Variants in FSTL4 observed in about 807,000 individuals in gnomAD.
FSTL4 encodes the protein follistatin like 4, also known as follistatin-related protein 4.
Under a neutral mutation model 78.2 loss-of-function variants are expected in FSTL4, and 28 were observed. The ratio of observed to expected loss-of-function variants is 0.36; its 90% confidence interval spans 0.27 to 0.49. The LOEUF (loss-of-function observed/expected upper bound fraction) is 0.49. Ranked by LOEUF, FSTL4 falls within the 20% of genes least tolerant of loss-of-function variation. The pLI, the probability that FSTL4 is intolerant of heterozygous loss-of-function variation, is 0.98. For missense variants in FSTL4, 922 were observed against 1,084.9 expected, an observed-to-expected ratio of 0.85 and a Z score of 2.11; for synonymous variants, 422 against 440.5, an observed-to-expected ratio of 0.96 and a Z score of 0.53.
chr5:133,219,844 C>T (rs865792015), intron 12 of FSTL4, among the ~76,000 whole-genome samples: 2 of 152,152 alleles, frequency 1.3e-5, no homozygotes, highest in Non-Finnish European at 2.9e-5. Flanking sequence ...ATTATTTAAA[C>T]CTAATTGCTG....
chr5:133,308,418 TA>T (rs1333975114), intron 6 of FSTL4, among the ~76,000 whole-genome samples: 3 of 152,224 alleles, frequency 2.0e-5, no homozygotes, highest in African/African-American at 7.2e-5. Context: ...AACAAAGCAG[TA>T]TCCTTGCCAT....
intron 3 of FSTL4, among the ~76,000 whole-genome samples, chr5:133,467,212 G>GTA (rs1237349117): frequency 1.3e-5 from 2 of 151,354 alleles, no homozygotes; most frequent in African/African-American, 4.9e-5. Context: ...GAGTGTGTGA[G>GTA]TATATGAGGG....
intron 3 of FSTL4, among the ~76,000 whole-genome samples, chr5:133,515,134 T>G (rs1033149870): frequency 2.6e-5 from 4 of 152,246 alleles, no homozygotes; most frequent in African/African-American, 9.6e-5. Context: ...TAATGTTGGT[T>G]AATAAGCTGA....
At chr5:133,241,415 G>C (rs1339519675) in intron 7 of FSTL4, among the ~76,000 whole-genome samples, 1 of 152,218 alleles carries the variant, frequency 6.6e-6, no homozygotes, top group Non-Finnish European at 1.5e-5. Context: ...TGTTGAAATT[G>C]CGTATAGGGA....
At chr5:133,738,457 C>G in the FSTL4 span, among the ~76,000 whole-genome samples, 1 of 152,188 alleles carries the variant, frequency 6.6e-6, no homozygotes, top group Non-Finnish European at 1.5e-5. Context: ...GTATATGATT[C>G]AGCACCTAAG....
chr5:133,737,919 G>C, the FSTL4 span, among the ~76,000 whole-genome samples: 2 of 152,012 alleles, frequency 1.3e-5, no homozygotes, highest in Non-Finnish European at 2.9e-5. Flanking sequence ...CCTTTCTTTT[G>C]GGTATATGCC....
chr5:133,657,777 T>G, the FSTL4 span, among the ~76,000 whole-genome samples: 6 of 32,434 alleles, frequency 1.8e-4, no homozygotes, highest in South Asian at 8.7e-4. Flanking sequence ...TTTTTTTTGT[T>G]TTTTTTTTTT....
chr5:133,288,581 C>T (rs1386541339), intron 6 of FSTL4, among the ~76,000 whole-genome samples: 1 of 152,218 alleles, frequency 6.6e-6, no homozygotes, highest in African/African-American at 2.4e-5. Context: ...TGCTCAGAGC[C>T]CCCAGCAAGA....
intron 2 of FSTL4, among the ~76,000 whole-genome samples, chr5:133,578,067 TA>T (rs1760324663): frequency 6.6e-6 from 1 of 152,178 alleles, no homozygotes; most frequent in African/African-American, 2.4e-5. Flanking sequence ...CTGGGAAGTC[TA>T]AAATAACTAA....
the FSTL4 span, among the ~76,000 whole-genome samples, chr5:133,799,773 G>C: frequency 7.2e-6 from 1 of 139,512 alleles, no homozygotes; most frequent in South Asian, 2.3e-4. Flanking sequence ...AAAAGCCAAA[G>C]ACTGCACACA....
chr5:133,757,531 C>T, the FSTL4 span, among the ~76,000 whole-genome samples: 1 of 152,118 alleles, frequency 6.6e-6, no homozygotes, highest in Non-Finnish European at 1.5e-5. Flanking sequence ...TAGCTAAATG[C>T]TAAGAAAACA....
At position 133,426,567 on chromosome 5, in the gene FSTL4, C is replaced by T. The variant is rs1756822430; in HGVS notation, c.161-25581G>A. ...AGCAGCAGAGGAAACTGAACTGTAC[C>T]GTGGGTTGGGGAATGATCAATGCCG... On this transcript the variant is annotated intron_variant, in intron 3 of 15. Transcript: ENST00000265342. The surrounding 1 kb of genome is among the most constrained non-coding windows in gnomAD (Gnocchi z 5.0). 6.6e-6 allele frequency among the ~76,000 whole-genome samples: 1 copy of T among 152,082 alleles called. No homozygotes were observed. Among genetic ancestry groups the T allele is most frequent in the Non-Finnish European group, 1.5e-5 (1 of 68,016 alleles).
chr5:133,726,169 C>T, the FSTL4 span, among the ~76,000 whole-genome samples: 1 of 152,136 alleles, frequency 6.6e-6, no homozygotes, highest in African/African-American at 2.4e-5. Flanking sequence ...GTCCCTATGC[C>T]TGACTCCTGT....
At chr5:133,809,922 T>C in the FSTL4 span, among the ~76,000 whole-genome samples, 1 of 152,240 alleles carries the variant, frequency 6.6e-6, no homozygotes, top group South Asian at 2.1e-4. Flanking sequence ...GGTCTGGGAA[T>C]ATCATGATGC....
chr5:133,235,662 AAAG>A lies in FSTL4; in HGVS notation c.895-2128_895-2126del, dbSNP rs370091809. ...GATAAAAACTCCTAGCAGTGCTCTC[AAAG>A]AAGTAAAATGTTGCAGAGGGCTGCG... On this transcript the variant is annotated intron_variant, in intron 7 of 15. Transcript: ENST00000265342. Among the ~76,000 whole-genome samples, 245 of 152,072 alleles carry A rather than the reference AAAG, an allele frequency of 1.6e-3. 1 individual carries two copies. Among genetic ancestry groups the A allele is most frequent in the African/African-American group, 4.5e-3 (188 of 41,504 alleles).
the FSTL4 span, among the ~76,000 whole-genome samples, chr5:133,755,524 C>A: frequency 6.6e-6 from 1 of 152,274 alleles, no homozygotes; most frequent in East Asian, 1.9e-4. Flanking sequence ...CCTCCCCCTG[C>A]CCACCACCTC....
chr5:133,798,879 G>A, the FSTL4 span, among the ~76,000 whole-genome samples: 1 of 149,726 alleles, frequency 6.7e-6, no homozygotes, highest in Non-Finnish European at 1.5e-5. Flanking sequence ...CCTACGGTGG[G>A]CCTAGGACAC....
At chr5:133,376,825 G>A (rs1755445514) in intron 4 of FSTL4, among the ~76,000 whole-genome samples, 1 of 149,560 alleles carries the variant, frequency 6.7e-6, no homozygotes, top group Non-Finnish European at 1.5e-5. Context: ...GGAGGCGGAG[G>A]TTGCAGTGAG....
chr5:133,394,639 A>C (rs1400141285), intron 4 of FSTL4, among the ~76,000 whole-genome samples: 1 of 152,102 alleles, frequency 6.6e-6, no homozygotes, highest in African/African-American at 2.4e-5. Flanking sequence ...CCTCCCCACC[A>C]CTGTGGGCTC....
Sources: allele counts gnomAD v4.1 joint callset (sites outside exome capture counted in the v4.1 genomes callset), GRCh38; gene constraint gnomAD v4.1.1; non-coding constraint Gnocchi (gnomAD v3.1); transcripts MANE v1.5; gene names NCBI Gene and HGNC (gene_info 2026-07-23, HGNC 2026-07-21).